The following A2M variants were observed in gnomAD, a reference collection of about 807,000 sequenced individuals.
The protein encoded by A2M is C3 and PZP-like alpha-2-macroglobulin domain-containing protein 5.
A neutral mutation model predicts 183.9 loss-of-function variants in A2M; 128 were observed. The observed-to-expected ratio is 0.70, with a 90% CI of 0.60 to 0.81. The LOEUF (loss-of-function observed/expected upper bound fraction) is 0.81. Ranked by LOEUF, A2M falls within the 30% of genes least tolerant of loss-of-function variation. A2M has a pLI of 0.00. For missense variants in A2M, 1,495 were observed against 1,787.6 expected, an observed-to-expected ratio of 0.84 and a Z score of 2.95; for synonymous variants, 592 against 670.8, an observed-to-expected ratio of 0.88 and a Z score of 1.81.
intron 19 of A2M, 31 bp from the exon 20 acceptor site, chr12:9,090,513 A>G (rs764040880): frequency 4.4e-6 from 7 of 1,608,350 alleles, no homozygotes; most frequent in South Asian, 2.2e-5. Flanking sequence ...GGGAGTAGAG[A>G]GGGAAGGAGA....
chr12:9,112,638 A>T, intron 2 of A2M, 102 bp from the exon 3 acceptor site: 2 of 1,291,696 alleles, frequency 1.5e-6, no homozygotes, highest in Non-Finnish European at 2.2e-6. Flanking sequence ...TTCTTACTTA[A>T]CTTCACTCCC....
At chr12:9,102,157 G>T (rs1018906052) in intron 11 of A2M, among the ~76,000 whole-genome samples, 1 of 152,200 alleles carries the variant, frequency 6.6e-6, no homozygotes, top group Non-Finnish European at 1.5e-5. Context: ...ATTGGTTTAA[G>T]AGCTGAGCTG....
At chr12:9,108,401 CAGGCG>C (rs1938471344) in intron 7 of A2M, among the ~76,000 whole-genome samples, 1 of 152,208 alleles carries the variant, frequency 6.6e-6, no homozygotes, top group Admixed American at 6.5e-5. Flanking sequence ...GCTGGGATTA[CAGGCG>C]TGAGCCACCA....
At chr12:9,089,633 C>T (rs1366898718) in intron 21 of A2M, among the ~76,000 whole-genome samples, 1 of 152,018 alleles carries the variant, frequency 6.6e-6, no homozygotes, top group Non-Finnish European at 1.5e-5. Flanking sequence ...CCCAGCTACT[C>T]AGGAGGCTGA....
rs1021539085 is a variant in A2M, at chr12:9,099,651, A to G, written c.1559-128T>C. 15 of 1,160,912 alleles carry G rather than the reference A, an allele frequency of 1.3e-5. No individual in the cohort carries two copies. The Admixed American group carries it at 2.1e-4, about 16-fold the overall frequency. The allele number at this position is 1,160,912 out of a possible 1,614,324, so 71.9% of individuals were successfully genotyped here. ...TTACCTCTAAGGACTCTAGCTTTAG[A>G]AAAAAACCCTATCAAAGCCCTCTCT... is the stretch of plus-strand genomic sequence containing the variant. On this transcript the variant is annotated intron_variant, in intron 13 of 35. Coordinates refer to ENST00000318602, the MANE Select transcript of A2M (RefSeq NM_000014.6).
At chr12:9,084,053 A>G (rs1344828300) in intron 22 of A2M, among the ~76,000 whole-genome samples, 2 of 152,158 alleles carry the variant, frequency 1.3e-5, no homozygotes, top group East Asian at 3.9e-4. Flanking sequence ...GGAAAACAAA[A>G]ATAAAAACAA....
intron 18 of A2M, among the ~76,000 whole-genome samples, chr12:9,092,061 C>G (rs910895963): frequency 6.6e-6 from 1 of 152,168 alleles, no homozygotes; most frequent in Non-Finnish European, 1.5e-5. Context: ...TTCGTCTACC[C>G]ACTTTATCAG....
intron 22 of A2M, among the ~76,000 whole-genome samples, chr12:9,082,188 T>C (rs1213515741): frequency 6.6e-6 from 1 of 152,202 alleles, no homozygotes; most frequent in African/African-American, 2.4e-5. Context: ...GTAGCAATCC[T>C]CTATTATGCA....
chr12:9,077,803 G>A lies in A2M; in HGVS notation c.3174C>T (p.Ile1058=), dbSNP rs376284720. The change falls in exon 26 of 36, where the codon ATC becomes ATT. Residue 1058 remains isoleucine, a synonymous_variant. Transcript: ENST00000318602. ...GGGCTTGGGTAATGTGTGCTTCATC[G>A]ATGAAGATGTAGGCTCGAGCTTGGG... is the stretch of plus-strand genomic sequence containing the variant. The part of the protein sequence containing the change: ...TFAQARAYIF[I]DEAHITQALI... 14 of 1,614,034 alleles carry A rather than the reference G, an allele frequency of 8.7e-6. No homozygotes were observed. The highest frequency in any genetic ancestry group is 1.6e-4 in the Middle Eastern group (1 of 6,084).
intron 11 of A2M, among the ~76,000 whole-genome samples, chr12:9,103,453 C>T (rs1938041406): frequency 6.6e-6 from 1 of 152,132 alleles, no homozygotes; most frequent in Non-Finnish European, 1.5e-5. Flanking sequence ...TTACCATCTT[C>T]ATTATTCTTT....
chr12:9,073,139 T>G lies in A2M; in HGVS notation c.3757-268A>C, dbSNP rs181680907. Among the ~76,000 whole-genome samples the G allele has an allele frequency of 7.2e-5, 11 of 152,342 alleles. No homozygotes were observed. In the East Asian group the frequency reaches 2.1e-3, roughly 29 times the overall value. Reference sequence around the variant, plus strand: ...TCTCTCTGTAAGTATATGTGGGACATGGAATGTGGAAAACATGTGAATGGC... The same window carrying G: ...TCTCTCTGTAAGTATATGTGGGACAGGGAATGTGGAAAACATGTGAATGGC... On this transcript the variant is annotated intron_variant, in intron 29 of 35. Coordinates refer to ENST00000318602, the MANE Select transcript of A2M (RefSeq NM_000014.6).
rs1477651553 is a variant in A2M, at chr12:9,115,859, A to G, written c.-10T>C. ...GTTTGTTCTTCCCCATGTTGCAGAA[A>G]GAAGGAGCTGGAGGAGAACAGACTG... On this transcript the variant is annotated 5_prime_UTR_variant, in exon 1 of 36. Coordinates refer to ENST00000318602, the MANE Select transcript of A2M (RefSeq NM_000014.6). 1.2e-6 allele frequency: 2 copies of G among 1,611,044 alleles called. No individual in the cohort carries two copies. Among genetic ancestry groups the G allele is most frequent in the African/African-American group, 1.3e-5 (1 of 74,834 alleles).
chr12:9,106,337 A>G lies in A2M; in HGVS notation c.1003T>C (p.Leu335=), dbSNP rs775694178. The G allele has an allele frequency of 5.0e-6, 8 of 1,602,514 alleles. No homozygotes were observed. Among genetic ancestry groups the G allele is most frequent in the Non-Finnish European group, 6.8e-6 (8 of 1,172,660 alleles). The change falls in exon 10 of 36, where the codon TTG becomes CTG. Residue 335 remains leucine (L), a synonymous_variant. Transcript: ENST00000318602. ...ATTTCACTGGACTGCCTTCCAGTCA[A>G]TTCCACCACTGAAAAAAGAGAAAAA... ...QIQEEGTVVE[L]TGRQSSEITR...
At position 9,101,578 on chromosome 12, in the gene A2M, T is replaced by C. The variant is rs1304569342; in HGVS notation, c.1363A>G (p.Ser455Gly). The C allele has an allele frequency of 1.9e-6, 3 of 1,613,998 alleles. No homozygotes were observed. The highest frequency in any genetic ancestry group is 1.7e-5 in the Admixed American group (1 of 60,026). Residue 455 changes from serine to glycine, a missense_variant, in exon 12 of 36, where the codon AGC (serine) becomes GGC (glycine). Transcript: ENST00000318602. ...HHTAYLVFSP[S>G]KSFVHLEPMS... ...GGCTCAAGGTGGACAAAGCTCTTGC[T>C]TGGGGAGAACACAAGATAAGCAGTG...
intron 7 of A2M, 148 bp downstream of exon 7, chr12:9,109,173 G>A: frequency 1.6e-6 from 1 of 607,436 alleles, no homozygotes; most frequent in Admixed American, 2.9e-5. Context: ...AAAGCAACAG[G>A]AGAATAACAT....
At position 9,091,142 on chromosome 12, in the gene A2M, T is replaced by A. The variant is rs1157363765; in HGVS notation, c.2469+59A>T. The A allele has an allele frequency of 5.1e-6, 8 of 1,562,646 alleles. No individual in the cohort carries two copies. The Admixed American group carries it at 1.4e-4, about 26-fold the overall frequency. On this transcript the variant is annotated intron_variant, in intron 19 of 35. Coordinates refer to ENST00000318602, the MANE Select transcript of A2M (RefSeq NM_000014.6). Reference sequence around the variant, plus strand: ...CAAGAGTTTGCAGTATTCCTAGGAATGCAACTTTTAATTTACTTGATGGCT... The same window carrying A: ...CAAGAGTTTGCAGTATTCCTAGGAAAGCAACTTTTAATTTACTTGATGGCT...
intron 30 of A2M, 62 bp downstream of exon 30, chr12:9,072,591 C>G: frequency 6.3e-7 from 1 of 1,599,544 alleles, no homozygotes; most frequent in East Asian, 2.2e-5. Context: ...TGAGTTAGGA[C>G]TTCTCAGAGA....
At chr12:9,088,438 A>G (rs1297361042) in intron 22 of A2M, among the ~76,000 whole-genome samples, 2 of 152,204 alleles carry the variant, frequency 1.3e-5, no homozygotes, top group African/African-American at 4.8e-5. Flanking sequence ...ATAGGTAATC[A>G]GTTCACTTAA....
rs1049406587 is a variant in A2M, at chr12:9,099,500, T to C, written c.1582A>G (p.Ile528Val). The change falls in exon 14 of 36, where the codon ATC (isoleucine) becomes GTC (valine). Residue 528 changes from isoleucine (I) to valine (V), a missense_variant. Ile to Val is a conservative substitution (Grantham distance 29). Transcript: ENST00000318602. ...EDMKGHFSIS[I>V]PVKSDIAPVA... The stretch of plus-strand genomic sequence containing the variant: ...GGAGCAATGTCTGACTTCACAGGGA[T>C]TGAGATGGAAAAATGGCCCTTCACT... 7 of 1,610,058 alleles carry C rather than the reference T, an allele frequency of 4.3e-6. No homozygotes were observed. Among genetic ancestry groups the C allele is most frequent in the South Asian group, 1.1e-5 (1 of 89,590 alleles).
Sources: allele counts gnomAD v4.1 joint callset (sites outside exome capture counted in the v4.1 genomes callset), GRCh38; gene constraint gnomAD v4.1.1; transcripts MANE v1.5; gene names NCBI Gene and HGNC (gene_info 2026-07-23, HGNC 2026-07-21).